The following ZNF462 variants were observed in gnomAD, a reference collection of about 807,000 sequenced individuals.
ZNF462 encodes the protein zinc finger PBX1-interacting protein.
Under a neutral mutation model 201.9 loss-of-function variants are expected in ZNF462, and 10 were observed. The ratio of observed to expected loss-of-function variants is 0.05; its 90% CI spans 0.03 to 0.08. The LOEUF is 0.08. ZNF462 is among the 10% of genes least tolerant of loss of function. ZNF462 has a pLI of 1.00. For missense variants in ZNF462, 2,523 were observed against 3,168.3 expected, an observed-to-expected ratio of 0.80 and a Z score of 4.89; for synonymous variants, 1,227 against 1,193.3, an observed-to-expected ratio of 1.03 and a Z score of -0.58.
rs567841086 is a variant in ZNF462 at position 106,951,484 on chromosome 9, C to CCCTATAAAACTTATACTATAGTAT, written c.6427+12377_6427+12378insCCTATAAAACTTATACTATAGTAT. Among the ~76,000 whole-genome samples the CCCTATAAAACTTATACTATAGTAT allele has an allele frequency of 1.1e-4, 16 of 152,262 alleles. No homozygotes were observed. The South Asian group carries it at 3.3e-3, about 32-fold the overall frequency. On this transcript the variant is annotated intron_variant, in intron 7 of 12. Coordinates refer to ENST00000277225, the MANE Select transcript of ZNF462 (RefSeq NM_021224.6). ...AAAACAAGGGTAAGAAAGAAGCTTT[C>CCCTATAAAACTTATACTATAGTAT]AAAACTATACTGTGCTGCACACGTT...
intron 7 of ZNF462, among the ~76,000 whole-genome samples, chr9:106,957,785 C>A (rs1243787521): frequency 1.3e-5 from 2 of 152,032 alleles, no homozygotes; most frequent in Non-Finnish European, 2.9e-5. Context: ...TTGGATGTTG[C>A]TGAGAGTGTG....
chr9:106,981,100 T>A lies in ZNF462; in HGVS notation c.6833-3086T>A, dbSNP rs1047331748. Among the ~76,000 whole-genome samples the A allele has an allele frequency of 6.6e-6, 1 of 152,192 alleles. No homozygotes were observed. The highest frequency in any genetic ancestry group is 1.5e-5 in the Non-Finnish European group (1 of 68,028). On this transcript the variant is annotated intron_variant, in intron 9 of 12. Coordinates refer to ENST00000277225, the MANE Select transcript of ZNF462 (RefSeq NM_021224.6). The surrounding 1 kb of genome is among the most constrained non-coding windows in gnomAD (Gnocchi z 4.0). The stretch of plus-strand genomic sequence containing the variant: ...TTTTTAGAAAGGGGAAAAAGCTAAC[T>A]TTTTTTCTAAAATTAATATCTCAGT...
At chr9:106,896,460 G>A (rs575165453) in intron 1 of ZNF462, among the ~76,000 whole-genome samples, 28 of 152,252 alleles carry the variant, frequency 1.8e-4, no homozygotes, top group Admixed American at 3.9e-4. Context: ...ACCTCATGGC[G>A]TCTCAGATTT....
rs973863434 is a variant in ZNF462, at chr9:106,974,670, A to G, written c.6832+397A>G. The G allele has an allele frequency of 1.1e-5, 3 of 264,724 alleles. No individual in the cohort carries two copies. Among genetic ancestry groups the G allele is most frequent in the African/African-American group, 6.5e-5 (3 of 46,074 alleles). The allele number at this position is 264,724 out of a possible 1,614,324, so 16.4% of individuals were successfully genotyped here. On this transcript the variant is annotated intron_variant, in intron 9 of 12. Coordinates refer to ENST00000277225, the MANE Select transcript of ZNF462 (RefSeq NM_021224.6). This position sits in a 1 kb window ranked among gnomAD's most constrained non-coding sequence, Gnocchi z 4.0. ...TCTATGGCTGTGAGAGATTCTTTCA[A>G]GAAGACCAAAATGATTTCCAAAGCA... is the stretch of plus-strand genomic sequence containing the variant.
intron 9 of ZNF462, among the ~76,000 whole-genome samples, chr9:106,980,307 ACTT>A (rs1827323204): frequency 1.3e-5 from 2 of 152,184 alleles, no homozygotes; most frequent in Admixed American, 6.5e-5. Flanking sequence ...AGACTTTGTC[ACTT>A]CTTTGCTTTG....
chr9:106,939,235 T>G (rs916525385), intron 7 of ZNF462, 128 bp downstream of exon 7: 3 of 1,006,156 alleles, frequency 3.0e-6, no homozygotes, highest in Non-Finnish European at 4.2e-6. Context: ...GGAAGAAATA[T>G]GAAAAAGTTG....
rs190100013 is a variant in ZNF462 at position 106,886,367 on chromosome 9, T to C, written c.-31+23012T>C. Among the ~76,000 whole-genome samples, 4 of 152,312 alleles carry C rather than the reference T, an allele frequency of 2.6e-5. No individual in the cohort carries two copies. Among genetic ancestry groups the C allele is most frequent in the African/African-American group, 7.2e-5 (3 of 41,560 alleles). ...GTGAATGTGCTGCCTATTTCGAAAG[T>C]TGATAATGACTCAAGGGTATCCAAC... On this transcript the variant is annotated intron_variant, in intron 1 of 12. Transcript: ENST00000277225. This position sits in a 1 kb window ranked among gnomAD's most constrained non-coding sequence, Gnocchi z 4.6.
intron 10 of ZNF462, among the ~76,000 whole-genome samples, chr9:106,997,098 C>A (rs1828790093): frequency 6.6e-6 from 1 of 151,196 alleles, no homozygotes; most frequent in Non-Finnish European, 1.5e-5. Flanking sequence ...GGCTGAATAT[C>A]TTTTCTTTCT....
chr9:107,000,773 G>C (rs1426168411), intron 10 of ZNF462, among the ~76,000 whole-genome samples: 1 of 152,132 alleles, frequency 6.6e-6, no homozygotes, highest in Non-Finnish European at 1.5e-5. Flanking sequence ...GGATGATGGT[G>C]CTGGGAAAAT....
At chr9:106,860,588 C>G (rs1445777328), upstream of ZNF462, among the ~76,000 whole-genome samples, 1 of 152,196 alleles carries the variant, frequency 6.6e-6, no homozygotes, top group African/African-American at 2.4e-5. This position sits in a 1 kb window ranked among gnomAD's most constrained non-coding sequence, Gnocchi z 7.1. Flanking sequence ...ATCGCAGCCT[C>G]CAAAACCCAG....
chr9:106,864,052 C>CTG (rs1827185904), intron 1 of ZNF462, among the ~76,000 whole-genome samples: 1 of 55,994 alleles, frequency 1.8e-5, no homozygotes, highest in Admixed American at 1.7e-4. Context: ...CTCTCTCTCT[C>CTG]TCTCTCTCTC....
At chr9:106,866,302 T>A (rs564909089) in intron 1 of ZNF462, among the ~76,000 whole-genome samples, 1 of 152,358 alleles carries the variant, frequency 6.6e-6, no homozygotes, top group African/African-American at 2.4e-5. Context: ...TGAAGTGGTT[T>A]TAGATTCCAG....
In ZNF462 at chr9:106,918,693, C is replaced by G. The variant is rs570789248; in HGVS notation, c.-30-4661C>G. Among the ~76,000 whole-genome samples, 152 of 152,318 alleles carry G rather than the reference C, an allele frequency of 1.0e-3. 4 individuals carry two copies. In the South Asian group the frequency reaches 0.031, roughly 31 times the overall value. Reference sequence around the variant, plus strand: ...AATATTAATCTCCCAATACACATCACAAATCTTTGACCTCAGCATATCAAC... The same window carrying G: ...AATATTAATCTCCCAATACACATCAGAAATCTTTGACCTCAGCATATCAAC... On this transcript the variant is annotated intron_variant, in intron 1 of 12. Transcript: ENST00000277225.
intron 1 of ZNF462, among the ~76,000 whole-genome samples, chr9:106,864,062 CTCTCT>C (rs1827190710): frequency 1.3e-4 from 12 of 93,876 alleles, no homozygotes; most frequent in African/African-American, 3.8e-4. Flanking sequence ...CTCTCTCTCT[CTCTCT>C]CTCTCTCTCT....
At position 106,950,482 on chromosome 9, in the gene ZNF462, G is replaced by T. The variant is rs1294045687; in HGVS notation, c.6427+11375G>T. Among the ~76,000 whole-genome samples the T allele has an allele frequency of 6.6e-6, 1 of 152,092 alleles. No individual in the cohort carries two copies. The highest frequency in any genetic ancestry group is 2.4e-5 in the African/African-American group (1 of 41,408). ...TGATTTTATAGTATTTTAAAATTTT[G>T]CCCATGGGTAAGTTTTTAATTAGGG... On this transcript the variant is annotated intron_variant, in intron 7 of 12. Transcript: ENST00000277225. The surrounding 1 kb of genome is among the most constrained non-coding windows in gnomAD (Gnocchi z 4.1).
At position 106,874,545 on chromosome 9, in the gene ZNF462, A is replaced by G. The variant is rs149094762; in HGVS notation, c.-31+11190A>G. Among the ~76,000 whole-genome samples, 68 of 152,362 alleles carry G rather than the reference A, an allele frequency of 4.5e-4. 1 individual carries two copies. In the East Asian group the frequency reaches 0.013, roughly 29 times the overall value. On this transcript the variant is annotated intron_variant, in intron 1 of 12. Transcript: ENST00000277225. ...GGAGGTAAACGTAGAAAGTTTATGT[A>G]TGCAGGCCTGGCAAAGGAATCATTC... is the stretch of plus-strand genomic sequence containing the variant.
At chr9:107,002,863 C>A (rs1216644193) in intron 10 of ZNF462, among the ~76,000 whole-genome samples, 2 of 152,194 alleles carry the variant, frequency 1.3e-5, no homozygotes, top group Non-Finnish European at 2.9e-5. Context: ...TGTATTGTGT[C>A]TCACTGCTAG....
In ZNF462 at chr9:106,924,785, G is replaced by C; in HGVS notation, c.873G>C (p.Lys291Asn). 1.2e-6 allele frequency: 2 copies of C among 1,614,126 alleles called. No individual in the cohort carries two copies. The highest frequency in any genetic ancestry group is 8.5e-7 in the Non-Finnish European group (1 of 1,180,034). ...CTAATCTACCTGATGTGCCGAACAA[G>C]AGTGCCCCCAGCCCCACTTCCAACT... is the stretch of plus-strand genomic sequence containing the variant. Reference protein sequence around the residue: ...EGTNLPDVPNKSAPSPTSNST... With the variant: ...EGTNLPDVPNNSAPSPTSNST... The change falls in exon 3 of 13, where the codon AAG (lysine) becomes AAC (asparagine). Residue 291 changes from lysine to asparagine, a missense_variant. Transcript: ENST00000277225. This position sits in a 1 kb window ranked among gnomAD's most constrained non-coding sequence, Gnocchi z 6.2.
intron 1 of ZNF462, among the ~76,000 whole-genome samples, chr9:106,909,716 T>TCTTTTCA (rs1197299893): frequency 6.6e-6 from 1 of 152,176 alleles, no homozygotes. Flanking sequence ...TGTGAAAAAG[T>TCTTTTCA]CAGAGGACAC....
Sources: gnomAD v4.1 joint callset for allele counts (sites outside exome capture counted in the v4.1 genomes callset) on GRCh38, gnomAD v4.1.1 for gene constraint, Gnocchi (gnomAD v3.1) non-coding constraint, MANE v1.5 for transcripts, NCBI Gene and HGNC (gene_info 2026-07-23, HGNC 2026-07-21) for gene names.